SGO2: variants seen among roughly 807,000 people sequenced by gnomAD.
SGO2 encodes the protein shugoshin 2.
Under a neutral mutation model 99.5 loss-of-function variants are expected in SGO2, and 68 were observed. The ratio of observed to expected loss-of-function variants is 0.68; its 90% CI spans 0.56 to 0.84. SGO2 has a LOEUF of 0.84. Among genes scored for constraint, SGO2 ranks in the 40% least tolerant of loss-of-function variants. SGO2 has a pLI of 0.00. For missense variants in SGO2, 1,350 were observed against 1,436.7 expected (o/e 0.94, Z 0.97); for synonymous variants, 457 against 487.1 (o/e 0.94, Z 0.81).
intron 1 of SGO2, among the ~76,000 whole-genome samples, chr2:200,529,133 T>C (rs2031243449): frequency 6.6e-6 from 1 of 151,904 alleles, no homozygotes; most frequent in Non-Finnish European, 1.5e-5. Flanking sequence ...TCTAAAGGAG[T>C]TTTGCTGTGA....
intron 1 of SGO2, among the ~76,000 whole-genome samples, chr2:200,527,475 GC>G (rs2106296337): frequency 6.6e-6 from 1 of 152,212 alleles, no homozygotes; most frequent in East Asian, 1.9e-4. Flanking sequence ...TTTCTTCCTG[GC>G]AAAACGTTTA....
intron 7 of SGO2, among the ~76,000 whole-genome samples, chr2:200,574,422 G>A (rs138089136): frequency 3.9e-5 from 6 of 151,960 alleles, no homozygotes; most frequent in Middle Eastern, 3.4e-3. Flanking sequence ...ATATTATAGA[G>A]GACTGAAAAA....
At chr2:200,530,659 C>CAGGT (rs964994959) in intron 1 of SGO2, among the ~76,000 whole-genome samples, 16 of 152,166 alleles carry the variant, frequency 1.1e-4, no homozygotes, top group South Asian at 4.2e-4. Context: ...AGAGGAGGAA[C>CAGGT]AGGTAGGTAG....
intron 8 of SGO2, among the ~76,000 whole-genome samples, chr2:200,581,530 A>G (rs1183377774): frequency 6.6e-6 from 1 of 152,162 alleles, no homozygotes; most frequent in African/African-American, 2.4e-5. Context: ...CTTTAAAAAC[A>G]TATTTATGAG....
At chr2:200,580,224 G>A (rs1036013852) in intron 8 of SGO2, among the ~76,000 whole-genome samples, 2 of 152,060 alleles carry the variant, frequency 1.3e-5, no homozygotes, top group Non-Finnish European at 2.9e-5. Context: ...AGTCTGCAAA[G>A]TATCTTTTAT....
At position 200,572,727 on chromosome 2, in the gene SGO2, T is replaced by G. The variant is rs375162005; in HGVS notation, c.2381T>G (p.Met794Arg). 1.9e-6 allele frequency: 3 copies of G among 1,612,988 alleles called. No individual in the cohort carries two copies. The highest frequency in any genetic ancestry group is 1.6e-4 in the Middle Eastern group (1 of 6,082). Reference sequence around the variant, plus strand: ...TTGGGGGTGAAACATGGCCATGATATGCAACCTGCTTGTCAAAATGATTCA... The same window carrying G: ...TTGGGGGTGAAACATGGCCATGATAGGCAACCTGCTTGTCAAAATGATTCA... ...NVLGVKHGHD[M>R]QPACQNDSKI... Residue 794 changes from methionine (M) to arginine (R), a missense_variant, in exon 7 of 9, where the codon ATG (methionine) becomes AGG (arginine). Coordinates refer to ENST00000357799, the MANE Select transcript of SGO2 (RefSeq NM_152524.6).
chr2:200,568,971 G>T (rs553051347), intron 5 of SGO2, among the ~76,000 whole-genome samples: 4 of 151,608 alleles, frequency 2.6e-5, no homozygotes, highest in Non-Finnish European at 4.4e-5. Flanking sequence ...CTATTCTACT[G>T]GTAGTTGCCT....
At position 200,571,525 on chromosome 2, in the gene SGO2, T is replaced by C. The variant is rs2033426417; in HGVS notation, c.1179T>C (p.His393=). 3 of 1,611,706 alleles carry C rather than the reference T, an allele frequency of 1.9e-6. No homozygotes were observed. Among genetic ancestry groups the C allele is most frequent in the Non-Finnish European group, 2.5e-6 (3 of 1,179,398 alleles). ...AAAGTAATAAAAAAACAAATGAACA[T>C]GGAATGAAAACTTTCAGAAAAGTGA... ...KKKSNKKTNE[H]GMKTFRKVKD... Residue 393 remains histidine (H), a synonymous_variant, in exon 7 of 9, where the codon CAT becomes CAC. Transcript: ENST00000357799.
intron 5 of SGO2, among the ~76,000 whole-genome samples, chr2:200,548,203 T>C (rs2032324970): frequency 6.6e-6 from 1 of 151,062 alleles, no homozygotes; most frequent in Non-Finnish European, 1.5e-5. Flanking sequence ...ACATGGAAGA[T>C]TTTTAAGAAT....
intron 1 of SGO2, among the ~76,000 whole-genome samples, chr2:200,529,866 C>T (rs1212233438): frequency 6.6e-6 from 1 of 152,188 alleles, no homozygotes; most frequent in Non-Finnish European, 1.5e-5. Flanking sequence ...GAGAGGGTGA[C>T]ATTTGAAGAG....
intron 5 of SGO2, among the ~76,000 whole-genome samples, chr2:200,550,131 G>T (rs1477547356): frequency 6.6e-6 from 1 of 151,980 alleles, no homozygotes; most frequent in East Asian, 1.9e-4. Context: ...AAATACCTAG[G>T]AATCAATCTA....
chr2:200,539,462 A>G (rs1401994022), intron 4 of SGO2, among the ~76,000 whole-genome samples: 1 of 151,962 alleles, frequency 6.6e-6, no homozygotes, highest in Non-Finnish European at 1.5e-5. Context: ...TAAAAGAATC[A>G]TCTTTCTAAT....
chr2:200,536,033 G>T, intron 3 of SGO2, 32 bp from the exon 4 acceptor site: 1 of 1,371,380 alleles, frequency 7.3e-7, no homozygotes. Flanking sequence ...AGTCTTAACT[G>T]ATTAAAAGGG....
intron 2 of SGO2, among the ~76,000 whole-genome samples, chr2:200,533,755 ATTATC>A (rs2031549708): frequency 1.3e-5 from 2 of 152,166 alleles, no homozygotes; most frequent in Admixed American, 6.5e-5. Flanking sequence ...TTTTAGTCAC[ATTATC>A]TGCTGATATA....
intron 4 of SGO2, 87 bp from the exon 5 acceptor site, chr2:200,542,492 A>C (rs1458689928): frequency 3.2e-6 from 3 of 927,596 alleles, no homozygotes; most frequent in Non-Finnish European, 4.8e-6. Flanking sequence ...TTTTACTATT[A>C]ATGTCATTGT....
intron 4 of SGO2, among the ~76,000 whole-genome samples, chr2:200,539,379 T>C (rs2031851155): frequency 6.6e-6 from 1 of 152,118 alleles, no homozygotes; most frequent in Non-Finnish European, 1.5e-5. Context: ...TTTTATGTAT[T>C]TGGGCTTTTA....
chr2:200,573,420 A>G lies in SGO2; in HGVS notation c.3074A>G (p.His1025Arg). ...ATCTCCTTAGAATCTGATTTAAAAC[A>G]TATTACTAGTGAAGCAGATTCTGAT... The part of the protein sequence containing the change: ...TSISLESDLK[H>R]ITSEADSDPG... The change falls in exon 7 of 9, where the codon CAT becomes CGT. Residue 1025 changes from histidine to arginine, a missense_variant. Physicochemically the swap from His to Arg is conservative, Grantham distance 29. Coordinates refer to ENST00000357799, the MANE Select transcript of SGO2 (RefSeq NM_152524.6). The G allele has an allele frequency of 6.8e-6, 11 of 1,607,348 alleles. No individual in the cohort carries two copies. The highest frequency in any genetic ancestry group is 9.3e-6 in the Non-Finnish European group (11 of 1,178,052).
chr2:200,569,553 C>A, intron 5 of SGO2, 110 bp from the exon 6 acceptor site: 1 of 758,846 alleles, frequency 1.3e-6, no homozygotes, highest in Non-Finnish European at 2.1e-6. Context: ...GAAAAAGTAC[C>A]AGGTGGATTT....
In SGO2 at chr2:200,526,228, G is replaced by A. The variant is rs6761600; in HGVS notation, c.-27G>A. 0.15 allele frequency: 22,498 copies of A among 152,484 alleles called. 1,820 individuals carry two copies. Among genetic ancestry groups the A allele is most frequent in the South Asian group, 0.26 (1,245 of 4,828 alleles). 9.4% of individuals were successfully genotyped at this position (152,484 alleles called of 1,614,324 possible). A position where few individuals can be genotyped will look rare whatever the true frequency, so the allele number is the denominator to read the frequency against. On this transcript the variant is annotated 5_prime_UTR_variant, in exon 1 of 9. Transcript: ENST00000357799. The surrounding 1 kb of genome is among the most constrained non-coding windows in gnomAD (Gnocchi z 4.8). Reference sequence around the variant, plus strand: ...GCTCGCCGAGCTCCCGGAGCTGGGTGGGGGTGCCCCACGCTGAAAGAGAGG... The same window carrying A: ...GCTCGCCGAGCTCCCGGAGCTGGGTAGGGGTGCCCCACGCTGAAAGAGAGG...
Sources: gnomAD v4.1 joint callset for allele counts (sites outside exome capture counted in the v4.1 genomes callset) on GRCh38, gnomAD v4.1.1 for gene constraint, Gnocchi (gnomAD v3.1) non-coding constraint, MANE v1.5 for transcripts, NCBI Gene and HGNC (gene_info 2026-07-23, HGNC 2026-07-21) for gene names.